Variants in SLCO1B1 observed in about 807,000 individuals in gnomAD.
SLCO1B1 encodes OATP-2.
SLCO1B1 carries 81 observed loss-of-function variants against 70.1 expected under a neutral mutation model. The observed-to-expected ratio is 1.16, with a 90% CI of 0.97 to 1.39. The LOEUF is 1.39. Among genes scored for constraint, SLCO1B1 ranks in the 40% most tolerant of loss-of-function variants. The pLI, the probability that SLCO1B1 is intolerant of heterozygous loss-of-function variation, is 0.00. For missense variants in SLCO1B1, 895 were observed against 799.6 expected (o/e 1.12, Z -1.44); for synonymous variants, 283 against 271.5 (o/e 1.04, Z -0.42).
chr12:21,164,981 T>G (rs921711177), intron 2 of SLCO1B1: 3 of 380,574 alleles, frequency 7.9e-6, no homozygotes, highest in Non-Finnish European at 1.0e-5. Flanking sequence ...CTTGTTCCTG[T>G]TCCTCTGTAC....
intron 11 of SLCO1B1, among the ~76,000 whole-genome samples, chr12:21,210,026 G>C (rs571915346): frequency 6.7e-6 from 1 of 149,912 alleles, no homozygotes; most frequent in Non-Finnish European, 1.5e-5. Context: ...TCACTCTGAT[G>C]GTAGTTTTTT....
rs1941622167 is a variant in SLCO1B1, at chr12:21,239,071, A to G, written c.1958A>G (p.Glu653Gly). ...LIYAMKKKYQ[E>G]KDINASENGS... is the part of the protein sequence containing the mutation. ...TATGCCATGAAGAAAAAATATCAAGAGAAAGATATCAATGCATCAGAAAAT... is the reference window on the plus strand; with the variant it reads ...TATGCCATGAAGAAAAAATATCAAGGGAAAGATATCAATGCATCAGAAAAT... The change falls in exon 15 of 15, where the codon GAG (glutamate) becomes GGG (glycine). Residue 653 changes from glutamate to glycine, a missense_variant. Glu to Gly is a moderately conservative substitution (Grantham distance 98). Transcript: ENST00000256958. 6.3e-7 allele frequency: 1 copy of G among 1,596,508 alleles called. No homozygotes were observed. Among genetic ancestry groups the G allele is most frequent in the Non-Finnish European group, 8.6e-7 (1 of 1,164,914 alleles).
chr12:21,138,008 C>A (rs1940252338), intron 1 of SLCO1B1, among the ~76,000 whole-genome samples: 1 of 152,178 alleles, frequency 6.6e-6, no homozygotes, highest in Non-Finnish European at 1.5e-5. Context: ...TTAGCATGAA[C>A]TAAGGCCTCA....
At chr12:21,148,485 T>A (rs1940418502) in intron 2 of SLCO1B1, among the ~76,000 whole-genome samples, 1 of 152,150 alleles carries the variant, frequency 6.6e-6, no homozygotes, top group South Asian at 2.1e-4. Context: ...TTCCATTGCT[T>A]TTTTTGGTCA....
intron 2 of SLCO1B1, among the ~76,000 whole-genome samples, chr12:21,145,243 T>C (rs1180499380): frequency 6.6e-6 from 1 of 152,156 alleles, no homozygotes; most frequent in Non-Finnish European, 1.5e-5. Context: ...AGGATATTTA[T>C]AAGGTGCTTA....
At position 21,136,770 on chromosome 12, in the gene SLCO1B1, G is replaced by T. The variant is rs1011084698; in HGVS notation, c.-61-4744G>T. On this transcript the variant is annotated intron_variant, in intron 1 of 14. Transcript: ENST00000256958. ...AAAGCTTTTAACTTCTTTGCCATTG[G>T]TTTGAATTTCCACCTGTAGCTCAGA... is the stretch of plus-strand genomic sequence containing the variant. 9.2e-5 allele frequency among the ~76,000 whole-genome samples: 14 copies of T among 152,104 alleles called. 1 individual carries two copies. The highest frequency in any genetic ancestry group is 3.3e-4 in the Admixed American group (5 of 15,274).
chr12:21,235,416 T>C (rs1224756856), intron 14 of SLCO1B1, among the ~76,000 whole-genome samples: 1 of 150,694 alleles, frequency 6.6e-6, no homozygotes, highest in Non-Finnish European at 1.5e-5. Context: ...TTCATTCTTT[T>C]ACTTTAAGTC....
chr12:21,217,023 G>T, intron 11 of SLCO1B1, 96 bp from the exon 12 acceptor site: 1 of 900,862 alleles, frequency 1.1e-6, no homozygotes, highest in South Asian at 1.4e-5. Flanking sequence ...ATATTAGTTT[G>T]AACAAGTGAG....
chr12:21,134,785 C>T (rs112119739), intron 1 of SLCO1B1, among the ~76,000 whole-genome samples: 2 of 152,132 alleles, frequency 1.3e-5, no homozygotes, highest in East Asian at 1.9e-4. Flanking sequence ...AAAAAACCAG[C>T]TCCTGGATTC....
intron 14 of SLCO1B1, among the ~76,000 whole-genome samples, chr12:21,236,250 T>C (rs1941594773): frequency 6.6e-6 from 1 of 152,070 alleles, no homozygotes. Flanking sequence ...CCCCACTCTT[T>C]TAGGGGAAGA....
chr12:21,136,848 A>C (rs1486200367), intron 1 of SLCO1B1, among the ~76,000 whole-genome samples: 1 of 152,086 alleles, frequency 6.6e-6, no homozygotes, highest in African/African-American at 2.4e-5. Context: ...GTCATTCTCC[A>C]TCCAGCTTTG....
chr12:21,221,947 A>C (rs1941427561), intron 12 of SLCO1B1, among the ~76,000 whole-genome samples: 1 of 152,096 alleles, frequency 6.6e-6, no homozygotes, highest in Admixed American at 6.6e-5. Context: ...AAAAAGACTC[A>C]TGCTCTTTCA....
At chr12:21,167,014 G>T (rs1229277540) in intron 2 of SLCO1B1, among the ~76,000 whole-genome samples, 1 of 152,094 alleles carries the variant, frequency 6.6e-6, no homozygotes, top group African/African-American at 2.4e-5. Context: ...AACATTAAAA[G>T]TATATTTATA....
intron 8 of SLCO1B1, among the ~76,000 whole-genome samples, chr12:21,197,671 C>T (rs1941109873): frequency 6.6e-6 from 1 of 152,052 alleles, no homozygotes; most frequent in Non-Finnish European, 1.5e-5. Context: ...TGAAATTAAA[C>T]TTAACTATTA....
At chr12:21,152,160 G>A (rs1940479193) in intron 2 of SLCO1B1, among the ~76,000 whole-genome samples, 1 of 151,802 alleles carries the variant, frequency 6.6e-6, no homozygotes, top group Non-Finnish European at 1.5e-5. Flanking sequence ...TCAGTCTTGT[G>A]CAGTATACTG....
chr12:21,224,700 A>G (rs200498354), intron 13 of SLCO1B1, 22 bp from the exon 14 acceptor site: 61 of 1,321,026 alleles, frequency 4.6e-5, no homozygotes, highest in Admixed American at 2.0e-4. Context: ...CTAAACTGAC[A>G]TCTTCTCTTC....
At chr12:21,190,277 A>G (rs943260849) in intron 7 of SLCO1B1, among the ~76,000 whole-genome samples, 5 of 152,240 alleles carry the variant, frequency 3.3e-5, no homozygotes, top group Non-Finnish European at 7.3e-5. Context: ...AATTACACAC[A>G]GATTGTGTTG....
At chr12:21,209,318 T>C (rs1406003234) in intron 11 of SLCO1B1, among the ~76,000 whole-genome samples, 3 of 152,178 alleles carry the variant, frequency 2.0e-5, no homozygotes, top group East Asian at 3.9e-4. Flanking sequence ...GTTTGGTTTT[T>C]TGTTCTTGCA....
At chr12:21,201,517 T>TATGTAGAGC (rs1429786088) in intron 9 of SLCO1B1, among the ~76,000 whole-genome samples, 2 of 152,124 alleles carry the variant, frequency 1.3e-5, no homozygotes, top group Admixed American at 1.3e-4. Context: ...ATTAATCCTG[T>TATGTAGAGC]ATGTAGAGCG....
Sources: gnomAD v4.1 joint callset for allele counts (sites outside exome capture counted in the v4.1 genomes callset) on GRCh38, gnomAD v4.1.1 for gene constraint, MANE v1.5 for transcripts, NCBI Gene and HGNC (gene_info 2026-07-23, HGNC 2026-07-21) for gene names.